The following TMEM177 variants were observed in gnomAD, a reference collection of about 807,000 sequenced individuals.
TMEM177 encodes the protein transmembrane protein 177.
In TMEM177, 4 loss-of-function variants were observed where a neutral mutation model predicts 14.2. The ratio of observed to expected loss-of-function variants is 0.28; its 90% CI spans 0.14 to 0.64. The LOEUF is 0.64. Among genes scored for constraint, TMEM177 ranks in the 30% least tolerant of loss-of-function variants. The pLI is 0.82. For missense variants in TMEM177, 344 were observed against 405.2 expected, an observed-to-expected ratio of 0.85 and a Z score of 1.30; for synonymous variants, 179 against 174.5, an observed-to-expected ratio of 1.03 and a Z score of -0.20.
At chr2:119,709,686 G>A in the TMEM177 span, among the ~76,000 whole-genome samples, 1 of 152,104 alleles carries the variant, frequency 6.6e-6, no homozygotes, top group African/African-American at 2.4e-5. Context: ...TTAGCCGGGT[G>A]TAGTGGTGGG....
the TMEM177 span, among the ~76,000 whole-genome samples, chr2:119,693,702 A>T: frequency 0.14 from 22,026 of 152,156 alleles, 1,652 homozygotes; most frequent in Middle Eastern, 0.2. Context: ...CAGCCTGAGG[A>T]AAAAGGCCTC....
intron 1 of TMEM177, among the ~76,000 whole-genome samples, chr2:119,680,357 G>T (rs546182360): frequency 6.6e-6 from 1 of 152,300 alleles, no homozygotes; most frequent in Non-Finnish European, 1.5e-5. Context: ...TCATGGGGTT[G>T]TGAGGGTTCA....
At chr2:119,705,990 A>ATATATATTTTATATTATATAT in the TMEM177 span, among the ~76,000 whole-genome samples, 2 of 14,606 alleles carry the variant, frequency 1.4e-4, no homozygotes, top group Non-Finnish European at 2.5e-4. Flanking sequence ...CTCTCTATAT[A>ATATATATTTTATATTATATAT]TATATATTAT....
downstream of TMEM177, among the ~76,000 whole-genome samples, chr2:119,689,860 TTACTATTATA>T (rs1192285954): frequency 2.0e-5 from 3 of 152,202 alleles, no homozygotes; most frequent in Non-Finnish European, 4.4e-5. Flanking sequence ...AGGAATATTA[TTACTATTATA>T]ACAACAGAGG....
chr2:119,705,990 A>ATATATATTATATGTTATATAT, the TMEM177 span, among the ~76,000 whole-genome samples: 1 of 14,606 alleles, frequency 6.8e-5, no homozygotes, highest in Non-Finnish European at 2.5e-4. Context: ...CTCTCTATAT[A>ATATATATTATATGTTATATAT]TATATATTAT....
chr2:119,685,498 C>T (rs1688998842), downstream of TMEM177, among the ~76,000 whole-genome samples: 2 of 152,174 alleles, frequency 1.3e-5, no homozygotes, highest in African/African-American at 2.4e-5. Flanking sequence ...GGTCCTCACC[C>T]GGCGAGGCCT....
chr2:119,711,699 A>G, the TMEM177 span, among the ~76,000 whole-genome samples: 1 of 152,182 alleles, frequency 6.6e-6, no homozygotes, highest in Non-Finnish European at 1.5e-5. Flanking sequence ...TGAACACAGC[A>G]AGACCTGGGA....
the TMEM177 span, among the ~76,000 whole-genome samples, chr2:119,719,007 T>C: frequency 2.0e-5 from 3 of 152,184 alleles, no homozygotes; most frequent in African/African-American, 7.2e-5. Context: ...CGGTTCTGCA[T>C]TTCTAACAAG....
At chr2:119,699,038 C>G in the TMEM177 span, 99 of 202,798 alleles carry the variant, frequency 4.9e-4, no homozygotes, top group South Asian at 4.9e-3. Context: ...CCCAGGTCAT[C>G]AAGGGTGTGC....
At chr2:119,697,354 A>G in the TMEM177 span, among the ~76,000 whole-genome samples, 2 of 152,146 alleles carry the variant, frequency 1.3e-5, no homozygotes, top group South Asian at 4.1e-4. Flanking sequence ...TGAGCCTAGG[A>G]ATTTGAGATC....
chr2:119,709,755 G>C, the TMEM177 span, among the ~76,000 whole-genome samples: 1 of 152,134 alleles, frequency 6.6e-6, no homozygotes, highest in South Asian at 2.1e-4. Flanking sequence ...AACCCAGGAG[G>C]TGGAGCTTGC....
the TMEM177 span, among the ~76,000 whole-genome samples, chr2:119,720,249 T>C: frequency 6.6e-6 from 1 of 152,144 alleles, no homozygotes; most frequent in Non-Finnish European, 1.5e-5. Flanking sequence ...TGATTGTCTT[T>C]ACTTAAAATT....
the TMEM177 span, among the ~76,000 whole-genome samples, chr2:119,697,139 T>C: frequency 6.6e-6 from 1 of 152,174 alleles, no homozygotes; most frequent in Non-Finnish European, 1.5e-5. Flanking sequence ...CTGGTCACAC[T>C]CAACTTGCCT....
chr2:119,720,865 C>T, the TMEM177 span, among the ~76,000 whole-genome samples: 2 of 152,146 alleles, frequency 1.3e-5, no homozygotes, highest in Admixed American at 6.5e-5. Context: ...TTCAAACTGG[C>T]TTAAATAATG....
At chr2:119,714,266 A>C in the TMEM177 span, among the ~76,000 whole-genome samples, 2 of 152,216 alleles carry the variant, frequency 1.3e-5, no homozygotes, top group Admixed American at 1.3e-4. Context: ...ATCTAGCCCC[A>C]TGGCCGATCT....
the TMEM177 span, among the ~76,000 whole-genome samples, chr2:119,702,366 G>A: frequency 6.6e-6 from 1 of 152,140 alleles, no homozygotes; most frequent in Non-Finnish European, 1.5e-5. Context: ...CCTCTCATGG[G>A]GACTCCTTGG....
chr2:119,688,534 G>C (rs188548085), downstream of TMEM177, among the ~76,000 whole-genome samples: 4 of 152,294 alleles, frequency 2.6e-5, no homozygotes, highest in African/African-American at 9.6e-5. Context: ...GCTGAATACT[G>C]TGGGTAGCTG....
At chr2:119,719,443 T>C in the TMEM177 span, among the ~76,000 whole-genome samples, 1 of 152,184 alleles carries the variant, frequency 6.6e-6, no homozygotes. Flanking sequence ...CAGAGTGTGA[T>C]TGCTGTAAGC....
the TMEM177 span, among the ~76,000 whole-genome samples, chr2:119,694,039 A>G: frequency 1.5e-5 from 2 of 131,168 alleles, no homozygotes; most frequent in Non-Finnish European, 3.3e-5. Context: ...TATGACACAT[A>G]CCACACACAT....
Sources: gnomAD v4.1 joint callset for allele counts (sites outside exome capture counted in the v4.1 genomes callset) on GRCh38, gnomAD v4.1.1 for gene constraint, MANE v1.5 for transcripts, NCBI Gene and HGNC (gene_info 2026-07-23, HGNC 2026-07-21) for gene names.